Variants in ANKRD10 observed in about 807,000 individuals in gnomAD.
ANKRD10 encodes the protein ankyrin repeat domain 10, also known as ankyrin repeat domain-containing protein 10.
ANKRD10 carries 14 observed loss-of-function variants against 27.0 expected under a neutral mutation model. That is an observed-to-expected ratio of 0.52 (90% confidence interval 0.34 to 0.81). ANKRD10 has a LOEUF of 0.81. ANKRD10 is among the 40% of genes least tolerant of loss of function. The pLI, the probability that ANKRD10 is intolerant of heterozygous loss-of-function variation, is 0.01. For synonymous variants in ANKRD10, 250 were observed against 224.5 expected, an observed-to-expected ratio of 1.11 and a Z score of -1.01; for missense variants, 493 against 544.0, an observed-to-expected ratio of 0.91 and a Z score of 0.93.
At position 110,878,697 on chromosome 13, in the gene ANKRD10, G is replaced by GT. The variant is rs2064756494; in HGVS notation, c.*939dup. On this transcript the variant is annotated 3_prime_UTR_variant, in exon 6 of 6. Coordinates refer to ENST00000267339, the MANE Select transcript of ANKRD10 (RefSeq NM_017664.4). ...AAAAATTCATTACAATATTTGCAGA[G>GT]TATAACCACTAGTTGCCTAGACAAA... 1 of 152,622 alleles carries GT rather than the reference G, an allele frequency of 6.6e-6. No homozygotes were observed. Among genetic ancestry groups the GT allele is most frequent in the Non-Finnish European group, 1.5e-5 (1 of 68,044 alleles). The allele number at this position is 152,622 out of a possible 1,614,324, so 9.5% of individuals were successfully genotyped here.
chr13:110,884,726 C>A (rs754642163), intron 4 of ANKRD10, among the ~76,000 whole-genome samples: 1 of 152,224 alleles, frequency 6.6e-6, no homozygotes, highest in African/African-American at 2.4e-5. Flanking sequence ...TTAACATACT[C>A]ATAAATGCAT....
chr13:110,910,583 C>G, intron 2 of ANKRD10, 35 bp downstream of exon 2: 1 of 1,608,698 alleles, frequency 6.2e-7, no homozygotes, highest in Non-Finnish European at 8.5e-7. Flanking sequence ...AAAGAAAAAG[C>G]AAAAGCAAAC....
At chr13:110,912,959 T>C (rs763050624) in intron 1 of ANKRD10, among the ~76,000 whole-genome samples, 1 of 152,248 alleles carries the variant, frequency 6.6e-6, no homozygotes, top group Non-Finnish European at 1.5e-5. Context: ...AACTGCTTCT[T>C]GTTACAACAT....
At chr13:110,913,657 G>C (rs1485818725) in intron 1 of ANKRD10, among the ~76,000 whole-genome samples, 3 of 152,184 alleles carry the variant, frequency 2.0e-5, no homozygotes, top group Non-Finnish European at 4.4e-5. Context: ...TCATCAGCTG[G>C]TAACGACATT....
At chr13:110,889,443 C>T (rs1173144946) in intron 4 of ANKRD10, among the ~76,000 whole-genome samples, 3 of 152,196 alleles carry the variant, frequency 2.0e-5, no homozygotes, top group African/African-American at 7.2e-5. Context: ...GTCTTACGTT[C>T]TGACTAAACT....
intron 3 of ANKRD10, among the ~76,000 whole-genome samples, chr13:110,898,750 CTTTTT>C (rs56176208): frequency 8.4e-5 from 9 of 106,542 alleles, no homozygotes; most frequent in Admixed American, 5.4e-4. Flanking sequence ...TTTTTCTTTT[CTTTTT>C]TTTTTTTTTT....
At chr13:110,910,227 C>A (rs2138892308) in intron 2 of ANKRD10, among the ~76,000 whole-genome samples, 1 of 152,354 alleles carries the variant, frequency 6.6e-6, no homozygotes, top group South Asian at 2.1e-4. Context: ...ATCTGAAGCT[C>A]ACTTTGGAGC....
chr13:110,897,753 A>C (rs1307513103), intron 3 of ANKRD10, among the ~76,000 whole-genome samples: 1 of 152,122 alleles, frequency 6.6e-6, no homozygotes, highest in East Asian at 1.9e-4. Flanking sequence ...TTCTATTTTT[A>C]GTTTGTTCAG....
At position 110,910,661 on chromosome 13, in the gene ANKRD10, C is replaced by A. The variant is rs2065670297; in HGVS notation, c.320G>T (p.Cys107Phe). 1.2e-6 allele frequency: 2 copies of A among 1,614,062 alleles called. No individual in the cohort carries two copies. Among genetic ancestry groups the A allele is most frequent in the Non-Finnish European group, 1.7e-6 (2 of 1,180,044 alleles). ...TCCTGCTTGAATCAGCCAGACCAGG[C>A]ACTGAGGATGTCCCCCAAAGGCTGC... ...HIAAFGGHPQCLVWLIQAGAN... is the reference protein window; with the variant it reads ...HIAAFGGHPQFLVWLIQAGAN... The change falls in exon 2 of 6, where the codon TGC (cysteine) becomes TTC (phenylalanine). Residue 107 changes from cysteine (C) to phenylalanine (F), a missense_variant. Physicochemically the swap from Cys to Phe is radical, Grantham distance 205 (BLOSUM62 -2). Transcript: ENST00000267339.
chr13:110,901,177 A>G lies in ANKRD10; in HGVS notation c.455+4856T>C, dbSNP rs971571616. Reference sequence around the variant, plus strand: ...GATAAAACATTAGCAAACATCTAAGATATCTTCAGCAAAAGAAATACATGT... The same window carrying G: ...GATAAAACATTAGCAAACATCTAAGGTATCTTCAGCAAAAGAAATACATGT... On this transcript the variant is annotated intron_variant, in intron 3 of 5. Coordinates refer to ENST00000267339, the MANE Select transcript of ANKRD10 (RefSeq NM_017664.4). Among the ~76,000 whole-genome samples, 6 of 152,378 alleles carry G rather than the reference A, an allele frequency of 3.9e-5. 1 individual carries two copies. The South Asian group carries it at 8.3e-4, about 21-fold the overall frequency.
chr13:110,898,864 T>A (rs1430585846), intron 3 of ANKRD10, among the ~76,000 whole-genome samples: 1 of 149,782 alleles, frequency 6.7e-6, no homozygotes, highest in Admixed American at 6.7e-5. Flanking sequence ...CAAGAGATTC[T>A]CCTGCTTCAG....
Position 110,879,958 on chromosome 13 carries a change from G to A in ANKRD10, c.942C>T (p.Ala314=), listed in dbSNP as rs548824029. 3.1e-6 allele frequency: 5 copies of A among 1,614,160 alleles called. No homozygotes were observed. Among genetic ancestry groups the A allele is most frequent in the Admixed American group, 1.7e-5 (1 of 60,026 alleles). Residue 314 remains alanine, a synonymous_variant, in exon 6 of 6, where the codon GCC becomes GCT. Coordinates refer to ENST00000267339, the MANE Select transcript of ANKRD10 (RefSeq NM_017664.4). The part of the protein sequence containing the change: ...TGTNGISSGL[A]PGQPFPSSQG... ...GGCTACTCGGAAACGGCTGTCCTGG[G>A]GCTAATCCACTGCTAATTCCGTTAG...
At chr13:110,911,141 G>C (rs1482703480) in intron 1 of ANKRD10, among the ~76,000 whole-genome samples, 1 of 152,182 alleles carries the variant, frequency 6.6e-6, no homozygotes, top group African/African-American at 2.4e-5. Flanking sequence ...ACGTTAAAGG[G>C]ATTGGTGGGT....
intron 4 of ANKRD10, among the ~76,000 whole-genome samples, chr13:110,890,289 A>G (rs951959528): frequency 6.6e-6 from 1 of 152,190 alleles, no homozygotes; most frequent in Non-Finnish European, 1.5e-5. Context: ...CAGAAAAAAA[A>G]ATCCTGTTTT....
Position 110,910,606 on chromosome 13 carries a change from C to T in ANKRD10, c.363+12G>A. On this transcript the variant is annotated intron_variant, in intron 2 of 5. Transcript: ENST00000267339. ...AGCAAAAGCAAACCAAGTCCATCAC[C>T]AGCACTCTTACCGGTTTGTTAATGT... 6.2e-7 allele frequency: 1 copy of T among 1,612,796 alleles called. No homozygotes were observed. The highest frequency in any genetic ancestry group is 8.5e-7 in the Non-Finnish European group (1 of 1,179,558).
At chr13:110,901,652 G>A (rs2065383674) in intron 3 of ANKRD10, among the ~76,000 whole-genome samples, 1 of 152,198 alleles carries the variant, frequency 6.6e-6, no homozygotes, top group Admixed American at 6.5e-5. Context: ...CTAGCAGGCA[G>A]AACTTAATAA....
intron 2 of ANKRD10, among the ~76,000 whole-genome samples, chr13:110,909,626 C>CA (rs1452939347): frequency 1.3e-5 from 2 of 152,212 alleles, no homozygotes; most frequent in African/African-American, 4.8e-5. Flanking sequence ...TTTAAGGGGA[C>CA]AAACTGCCTT....
chr13:110,892,434 AAAT>A (rs1047941142), intron 4 of ANKRD10, among the ~76,000 whole-genome samples: 4 of 148,418 alleles, frequency 2.7e-5, no homozygotes, highest in Admixed American at 6.7e-5. Flanking sequence ...AAAAAAAAAA[AAAT>A]GGTGGGAGAA....
intron 1 of ANKRD10, among the ~76,000 whole-genome samples, chr13:110,914,274 C>T (rs914151086): frequency 2.6e-5 from 4 of 152,180 alleles, no homozygotes; most frequent in African/African-American, 9.7e-5. Context: ...CCTCTGACCC[C>T]AGCTCGGCTC....
Sources: gnomAD v4.1 joint callset for allele counts (sites outside exome capture counted in the v4.1 genomes callset) on GRCh38, gnomAD v4.1.1 for gene constraint, MANE v1.5 for transcripts, NCBI Gene and HGNC (gene_info 2026-07-23, HGNC 2026-07-21) for gene names.